The following KNTC1 variants were observed in gnomAD, a reference collection of about 807,000 sequenced individuals.
KNTC1 encodes the protein kinetochore associated 1.
A neutral mutation model predicts 314.4 loss-of-function variants in KNTC1; 253 were observed. The observed-to-expected ratio is 0.80, with a 90% confidence interval of 0.73 to 0.89. The LOEUF (loss-of-function observed/expected upper bound fraction) is 0.89. KNTC1 is among the 40% of genes least tolerant of loss of function. The pLI is 0.00. For missense variants in KNTC1, 2,475 were observed against 2,572.9 expected (o/e 0.96, Z 0.82); for synonymous variants, 901 against 901.4 (o/e 1.00, Z 0.01).
At chr12:122,533,176 T>C (rs1437557813) in intron 2 of KNTC1, among the ~76,000 whole-genome samples, 1 of 151,978 alleles carries the variant, frequency 6.6e-6, no homozygotes, top group African/African-American at 2.4e-5. Context: ...TTTTCTTTTT[T>C]TTTTTTTTGA....
chr12:122,538,189 A>G (rs1040094905), intron 3 of KNTC1, 150 bp from the exon 4 acceptor site: 34 of 587,296 alleles, frequency 5.8e-5, no homozygotes, highest in Middle Eastern at 4.5e-4. Flanking sequence ...AGTCAACAAC[A>G]TTCTTTTTTA....
chr12:122,592,037 C>G (rs985267315), intron 42 of KNTC1, among the ~76,000 whole-genome samples: 3 of 152,192 alleles, frequency 2.0e-5, no homozygotes, highest in Non-Finnish European at 4.4e-5. Context: ...GAGGCGCGAG[C>G]AGGAACCCGG....
rs752247676 is a variant in KNTC1, at chr12:122,603,154, C to T, written c.5012C>T (p.Thr1671Met). The T allele has an allele frequency of 1.2e-5, 20 of 1,613,216 alleles. No homozygotes were observed. Among genetic ancestry groups the T allele is most frequent in the Admixed American group, 5.0e-5 (3 of 59,910 alleles). ...ATTAACAAGGAAATAACTAAGATCA[C>T]GCAGACCATCGAATCCTGCTTACTC... ...TLINKEITKITQTIESCLLSI... is the reference protein window; with the variant it reads ...TLINKEITKIMQTIESCLLSI... Residue 1671 changes from threonine (T) to methionine (M), a missense_variant, in exon 48 of 64, where the codon ACG becomes ATG. Thr to Met is a moderately conservative substitution (Grantham distance 81). Transcript: ENST00000333479.
Position 122,582,815 on chromosome 12 carries a change from A to G in KNTC1, c.3093A>G (p.Lys1031=), listed in dbSNP as rs753042863. 7.4e-6 allele frequency: 12 copies of G among 1,612,186 alleles called. No individual in the cohort carries two copies. The South Asian group carries it at 1.1e-4, about 15-fold the overall frequency. The stretch of plus-strand genomic sequence containing the variant: ...ACGAAGTTGCACAGGCGAAACACAA[A>G]CCTGGGAGCACCCCAGAGCCCATAG... ...KAHEVAQAKH[K]PGSTPEPIAA... The change falls in exon 34 of 64, where the codon AAA becomes AAG. Residue 1031 remains lysine (K), a synonymous_variant. Coordinates refer to ENST00000333479, the MANE Select transcript of KNTC1 (RefSeq NM_014708.6).
intron 61 of KNTC1, 139 bp downstream of exon 61, chr12:122,622,109 A>G: frequency 1.4e-6 from 1 of 722,158 alleles, no homozygotes; most frequent in South Asian, 1.7e-5. Context: ...TTTTACTAAA[A>G]CCTCAGTAAA....
intron 54 of KNTC1, 56 bp downstream of exon 54, chr12:122,613,286 G>C: frequency 8.4e-7 from 1 of 1,194,330 alleles, no homozygotes; most frequent in Non-Finnish European, 1.2e-6. Flanking sequence ...ATTTTTTGGA[G>C]CTGTACCTTT....
At chr12:122,576,854 T>C in intron 29 of KNTC1, 41 bp from the exon 30 acceptor site, 1 of 1,470,486 alleles carries the variant, frequency 6.8e-7, no homozygotes, top group Non-Finnish European at 9.0e-7. Flanking sequence ...TGGTTTTCTG[T>C]GAGTTCTATA....
At chr12:122,615,342 C>T in intron 56 of KNTC1, 128 bp from the exon 57 acceptor site, 1 of 837,346 alleles carries the variant, frequency 1.2e-6, no homozygotes, top group Non-Finnish European at 1.8e-6. Context: ...AAGTGAACTT[C>T]TCTGGCAGTT....
chr12:122,589,532 A>G (rs1455624367), intron 40 of KNTC1, among the ~76,000 whole-genome samples: 1 of 147,652 alleles, frequency 6.8e-6, no homozygotes, highest in Non-Finnish European at 1.5e-5. Context: ...GTGCAGAGGC[A>G]CCATCATAGC....
At chr12:122,601,904 A>C (rs1473436943) in intron 45 of KNTC1, 1 of 213,988 alleles carries the variant, frequency 4.7e-6, no homozygotes, top group Non-Finnish European at 9.1e-6. Context: ...CTACAGAACT[A>C]ATTGTGAAGA....
At chr12:122,572,292 G>A (rs1367737315) in intron 24 of KNTC1, among the ~76,000 whole-genome samples, 1 of 152,032 alleles carries the variant, frequency 6.6e-6, no homozygotes, top group Non-Finnish European at 1.5e-5. Context: ...CTATTTGAGA[G>A]CCTGCGGCAG....
chr12:122,610,357 A>T (rs934773249), intron 52 of KNTC1, among the ~76,000 whole-genome samples: 40 of 152,202 alleles, frequency 2.6e-4, no homozygotes, highest in African/African-American at 8.2e-4. Flanking sequence ...TGCTTTTTCC[A>T]CTAAAAGCTC....
chr12:122,567,257 A>G (rs1353172995), intron 20 of KNTC1, among the ~76,000 whole-genome samples: 2 of 151,562 alleles, frequency 1.3e-5, no homozygotes, highest in African/African-American at 4.8e-5. Context: ...TTTAATAGAG[A>G]CAGGGTTTCA....
Position 122,610,877 on chromosome 12 carries a change from G to A in KNTC1, c.5599G>A (p.Val1867Ile). ...PIDYSSRMLF[V>I]FATSTTTTLG... ...TGATTATAGTTCAAGAATGCTGTTT[G>A]TATTTGCAACATCAACTACAACCGT... The change falls in exon 53 of 64, where the codon GTA becomes ATA. Residue 1867 changes from valine to isoleucine, a missense_variant. By Grantham distance (29) the Val-to-Ile change is conservative. Coordinates refer to ENST00000333479, the MANE Select transcript of KNTC1 (RefSeq NM_014708.6). The A allele has an allele frequency of 6.2e-7, 1 of 1,613,070 alleles. No homozygotes were observed. The highest frequency in any genetic ancestry group is 8.5e-7 in the Non-Finnish European group (1 of 1,179,182).
At chr12:122,547,211 C>G (rs1466526568) in intron 10 of KNTC1, among the ~76,000 whole-genome samples, 2 of 151,308 alleles carry the variant, frequency 1.3e-5, no homozygotes, top group Non-Finnish European at 1.5e-5. Context: ...ACAAAAAATA[C>G]AAAAATACAA....
rs867058564 is a variant in KNTC1, at chr12:122,575,528, G to A, written c.2383-15G>A. On this transcript the variant is annotated splice_polypyrimidine_tract_variant and intron_variant, in intron 27 of 63. Coordinates refer to ENST00000333479, the MANE Select transcript of KNTC1 (RefSeq NM_014708.6). The stretch of plus-strand genomic sequence containing the variant: ...CCTGAGGGCTGTTCCTTGTCCATGC[G>A]TGCATCTTTTGTAGCTCATATTTGA... 6.4e-6 allele frequency: 10 copies of A among 1,557,470 alleles called. 1 individual carries two copies. In the Middle Eastern group the frequency reaches 8.5e-4, roughly 133 times the overall value.
Position 122,557,443 on chromosome 12 carries a change from T to A in KNTC1, c.1332T>A (p.Asp444Glu), listed in dbSNP as rs1324365861. The A allele has an allele frequency of 6.2e-7, 1 of 1,613,614 alleles. No homozygotes were observed. The highest frequency in any genetic ancestry group is 8.5e-7 in the Non-Finnish European group (1 of 1,179,664). Residue 444 changes from aspartate to glutamate, a missense_variant, in exon 17 of 64, where the codon GAT (aspartate) becomes GAA (glutamate). By Grantham distance (45) the Asp-to-Glu change is conservative (BLOSUM62 2). Coordinates refer to ENST00000333479, the MANE Select transcript of KNTC1 (RefSeq NM_014708.6). Reference sequence around the variant, plus strand: ...AGAAACTGGCATTGAGTTCTGTGGATGCCAGTGAACAGACCGAATGGCAAC... The same window carrying A: ...AGAAACTGGCATTGAGTTCTGTGGAAGCCAGTGAACAGACCGAATGGCAAC... ...ILEKLALSSV[D>E]ASEQTEWQQL...
chr12:122,575,930 T>C, intron 29 of KNTC1, 31 bp downstream of exon 29: 1 of 1,560,188 alleles, frequency 6.4e-7, no homozygotes, highest in African/African-American at 1.4e-5. Context: ...GTCTTTTTTC[T>C]CTTTCATTTC....
At chr12:122,563,902 G>A in intron 20 of KNTC1, 1 of 1,086,012 alleles carries the variant, frequency 9.2e-7, no homozygotes, top group South Asian at 3.2e-5. Flanking sequence ...TATTTGCAAA[G>A]GGCAGTGTGG....
Sources: allele counts gnomAD v4.1 joint callset (sites outside exome capture counted in the v4.1 genomes callset), GRCh38; gene constraint gnomAD v4.1.1; transcripts MANE v1.5; gene names NCBI Gene and HGNC (gene_info 2026-07-23, HGNC 2026-07-21).